DNM3: variants seen among roughly 807,000 people sequenced by gnomAD.
DNM3 encodes the protein dynamin-3.
A neutral mutation model predicts 101.6 loss-of-function variants in DNM3; 47 were observed. The ratio of observed to expected loss-of-function variants is 0.46; its 90% CI spans 0.37 to 0.59. The LOEUF is 0.59. Ranked by LOEUF, DNM3 falls within the 20% of genes least tolerant of loss-of-function variation. The probability of loss-of-function intolerance (pLI) is 0.00; values close to 1 mark genes in which losing one functional copy is unlikely to be tolerated. For missense variants in DNM3, 849 were observed against 1,085.7 expected, an observed-to-expected ratio of 0.78 and a Z score of 3.06; for synonymous variants, 385 against 387.9, an observed-to-expected ratio of 0.99 and a Z score of 0.09.
intron 14 of DNM3, chr1:172,144,738 G>T: frequency 2.5e-6 from 1 of 399,448 alleles, no homozygotes; most frequent in Non-Finnish European, 5.2e-6. Context: ...ATTCTGCTGC[G>T]CTGACTGAGA....
chr1:171,880,974 T>G (rs1473154147), intron 1 of DNM3, among the ~76,000 whole-genome samples: 1 of 152,168 alleles, frequency 6.6e-6, no homozygotes, highest in Non-Finnish European at 1.5e-5. Flanking sequence ...AGACTTTAAT[T>G]ATTTTGTGGC....
At chr1:171,897,786 G>A (rs1420718533) in intron 1 of DNM3, among the ~76,000 whole-genome samples, 1 of 152,078 alleles carries the variant, frequency 6.6e-6, no homozygotes, top group African/African-American at 2.4e-5. Flanking sequence ...TACAATCTGT[G>A]TTAACATTTG....
chr1:172,182,677 T>A (rs480988), intron 14 of DNM3, among the ~76,000 whole-genome samples: 74,787 of 151,958 alleles, frequency 0.49, 20,136 homozygotes, highest in African/African-American at 0.72. Context: ...CTATCTGCAT[T>A]GTCCTCAGAG....
At chr1:172,274,316 T>C (rs1460033508) in intron 15 of DNM3, among the ~76,000 whole-genome samples, 1 of 151,928 alleles carries the variant, frequency 6.6e-6, no homozygotes, top group East Asian at 1.9e-4. Flanking sequence ...TAGCTCAGGA[T>C]TGAAAGGGGA....
intron 2 of DNM3, among the ~76,000 whole-genome samples, chr1:171,982,662 T>TG (rs1558370057): frequency 1.1e-4 from 16 of 148,864 alleles, no homozygotes; most frequent in African/African-American, 3.2e-4. Flanking sequence ...ATGTGTGTGT[T>TG]TGTGTGTGTG....
intron 20 of DNM3, among the ~76,000 whole-genome samples, chr1:172,396,924 T>C (rs1489706297): frequency 6.6e-6 from 1 of 152,212 alleles, no homozygotes; most frequent in African/African-American, 2.4e-5. Flanking sequence ...ATGAAATTAT[T>C]CCACTCAGGA....
At position 172,251,122 on chromosome 1, in the gene DNM3, G is replaced by A. The variant is rs1336563777; in HGVS notation, c.1660-2451G>A. 2.0e-5 allele frequency among the ~76,000 whole-genome samples: 3 copies of A among 152,232 alleles called. No homozygotes were observed. The East Asian group carries it at 5.8e-4, about 29-fold the overall frequency. ...TTCAAGTGCTCAGTAACTGCCTGTG[G>A]CTAGTGGCTACCATATTGGGCAGCA... On this transcript the variant is annotated intron_variant, in intron 14 of 20. Transcript: ENST00000627582.
intron 1 of DNM3, among the ~76,000 whole-genome samples, 190 bp from the exon 2 acceptor site, chr1:171,921,558 T>C (rs925162169): frequency 6.6e-6 from 1 of 152,208 alleles, no homozygotes; most frequent in Non-Finnish European, 1.5e-5. Flanking sequence ...TTCTGTGCAA[T>C]ATAAGGCCCT....
intron 4 of DNM3, among the ~76,000 whole-genome samples, chr1:171,993,371 T>C (rs183171715): frequency 1.6e-4 from 25 of 152,194 alleles, no homozygotes; most frequent in Non-Finnish European, 3.5e-4. Context: ...ACTTAAAGTT[T>C]TTTTCCTTTC....
rs550977247 is a variant in DNM3 at position 172,008,878 on chromosome 1, A to C, written c.589+19730A>C. Among the ~76,000 whole-genome samples, 872 of 139,182 alleles carry C rather than the reference A, an allele frequency of 6.3e-3. 16 individuals are homozygous for C. Among genetic ancestry groups the C allele is most frequent in the African/African-American group, 0.022 (822 of 38,032 alleles). 91.3% of individuals were successfully genotyped at this position (139,182 alleles called of 152,430 possible). On this transcript the variant is annotated intron_variant, in intron 4 of 20. Coordinates refer to ENST00000627582, the MANE Select transcript of DNM3 (RefSeq NM_015569.5). ...TTATATTACTATATAAATAATATTA[A>C]TATATTATATTAAAATATTAATAAA... is the stretch of plus-strand genomic sequence containing the variant.
At chr1:172,416,682 CA>C (rs2071436626), downstream of DNM3, among the ~76,000 whole-genome samples, 1 of 152,158 alleles carries the variant, frequency 6.6e-6, no homozygotes, top group Non-Finnish European at 1.5e-5. Context: ...CTGCTGAGGT[CA>C]TTAAAGTGTT....
intron 14 of DNM3, among the ~76,000 whole-genome samples, chr1:172,174,601 A>G (rs1036208588): frequency 1.3e-5 from 2 of 151,638 alleles, no homozygotes; most frequent in African/African-American, 4.8e-5. Context: ...GTTGTGCTTG[A>G]TGTTTTCTCT....
At chr1:171,918,008 T>G (rs1447187888) in intron 1 of DNM3, among the ~76,000 whole-genome samples, 1 of 152,206 alleles carries the variant, frequency 6.6e-6, no homozygotes, top group Non-Finnish European at 1.5e-5. Flanking sequence ...TTTGGCTCCC[T>G]GTTGCTGAAG....
intron 1 of DNM3, among the ~76,000 whole-genome samples, chr1:171,873,208 G>C (rs371184950): frequency 6.6e-6 from 1 of 152,288 alleles, no homozygotes; most frequent in Admixed American, 6.5e-5. Context: ...TCAGAAAAAT[G>C]ATCTGTATTT....
Position 172,160,136 on chromosome 1 carries a change from G to C in DNM3, c.1659+28848G>C, listed in dbSNP as rs76330884. Among the ~76,000 whole-genome samples the C allele has an allele frequency of 7.2e-3, 1,091 of 152,066 alleles. 8 individuals are homozygous for C. The highest frequency in any genetic ancestry group is 8.0e-3 in the Non-Finnish European group (543 of 67,968). On this transcript the variant is annotated intron_variant, in intron 14 of 20. Transcript: ENST00000627582. ...AGCTTTCAGGACTGGAAGTTACCCT[G>C]GGTGAGTTAGCGAGTGAGTGGTGAG... is the stretch of plus-strand genomic sequence containing the variant.
chr1:172,136,108 G>A (rs2057212900), intron 14 of DNM3, among the ~76,000 whole-genome samples: 1 of 152,082 alleles, frequency 6.6e-6, no homozygotes, highest in Non-Finnish European at 1.5e-5. Context: ...CCCAACATCT[G>A]CATTGAAATA....
intron 2 of DNM3, among the ~76,000 whole-genome samples, chr1:171,978,940 T>C (rs913345745): frequency 5.5e-5 from 8 of 145,670 alleles, no homozygotes; most frequent in Non-Finnish European, 1.2e-4. Context: ...GAGAGGTGAA[T>C]GTCTGAGATG....
rs544772471 is a variant in DNM3 at position 172,048,737 on chromosome 1, A to G, written c.1322A>G (p.Lys441Arg). 6.2e-7 allele frequency: 1 copy of G among 1,612,006 alleles called. No individual in the cohort carries two copies. Among genetic ancestry groups the G allele is most frequent in the South Asian group, 1.1e-5 (1 of 90,454 alleles). Residue 441 changes from lysine to arginine, a missense_variant, in exon 10 of 21, where the codon AAG becomes AGG. Physicochemically the swap from Lys to Arg is conservative, Grantham distance 26. Around this residue, in one of 5 missense-constraint regions of DNM3, gnomAD observed 193 missense variants for 238.4 expected, o/e 0.81. Coordinates refer to ENST00000627582, the MANE Select transcript of DNM3 (RefSeq NM_015569.5). ...VIQELINTVKKCTKKLANFPR... is the reference protein window; with the variant it reads ...VIQELINTVKRCTKKLANFPR... Reference sequence around the variant, plus strand: ...CAAGAATTAATCAACACTGTGAAGAAGTGTACCAAAAAAGTAAGTTCGAAT... The same window carrying G: ...CAAGAATTAATCAACACTGTGAAGAGGTGTACCAAAAAAGTAAGTTCGAAT...
At chr1:172,302,006 C>G (rs184815666) in intron 15 of DNM3, among the ~76,000 whole-genome samples, 25 of 152,290 alleles carry the variant, frequency 1.6e-4, no homozygotes, top group African/African-American at 6.0e-4. Flanking sequence ...ACTGAGGTAC[C>G]TGGTTTATCT....
Sources: gnomAD v4.1 joint callset for allele counts (sites outside exome capture counted in the v4.1 genomes callset) on GRCh38, gnomAD v4.1.1 for gene constraint, gnomAD v4.1.1 regional missense constraint, MANE v1.5 for transcripts, NCBI Gene and HGNC (gene_info 2026-07-23, HGNC 2026-07-21) for gene names.